The following OCIAD1 variants were observed in gnomAD, a reference collection of about 807,000 sequenced individuals.
The protein encoded by OCIAD1 is OCIA domain containing 1.
In OCIAD1, 29 loss-of-function variants were observed where a neutral mutation model predicts 38.9. That is an observed-to-expected ratio of 0.74 (90% CI 0.55 to 1.02). The LOEUF (loss-of-function observed/expected upper bound fraction) is 1.02. Among genes scored for constraint, OCIAD1 ranks in the 50% least tolerant of loss-of-function variants. OCIAD1 has a pLI of 0.00. For missense variants in OCIAD1, 288 were observed against 289.6 expected (o/e 0.99, Z 0.04); for synonymous variants, 110 against 92.0 (o/e 1.20, Z -1.12).
intron 1 of OCIAD1, among the ~76,000 whole-genome samples, chr4:48,831,937 CG>C (rs1777543408): frequency 6.6e-6 from 1 of 151,980 alleles, no homozygotes; most frequent in African/African-American, 2.4e-5. Flanking sequence ...CTGTAAAATA[CG>C]GTTACTTGAT....
intron 6 of OCIAD1, among the ~76,000 whole-genome samples, chr4:48,851,293 G>T (rs1394077943): frequency 1.3e-5 from 2 of 152,232 alleles, no homozygotes; most frequent in African/African-American, 4.8e-5. Context: ...TACTGACAGT[G>T]ACTGCTTTTA....
intron 8 of OCIAD1, 107 bp from the exon 9 acceptor site, chr4:48,860,615 TTTA>T (rs1368812110): frequency 4.5e-6 from 4 of 880,920 alleles, no homozygotes; most frequent in Non-Finnish European, 7.5e-6. Flanking sequence ...CTCATGTGCT[TTTA>T]TTCAAATGAG....
At chr4:48,830,869 C>G (rs1207412136), upstream of OCIAD1, 3 of 154,676 alleles carry the variant, frequency 1.9e-5, no homozygotes, top group Admixed American at 1.3e-4. Flanking sequence ...ACTCCCAACC[C>G]CCTTCCCCGC....
intron 3 of OCIAD1, among the ~76,000 whole-genome samples, chr4:48,842,377 G>A (rs1778613304): frequency 6.6e-6 from 1 of 152,110 alleles, no homozygotes; most frequent in Admixed American, 6.6e-5. Context: ...ATGAACAGCT[G>A]GCTATTTGGA....
rs548145641 is a variant in OCIAD1 at position 48,852,777 on chromosome 4, G to A, written c.547+802G>A. On this transcript the variant is annotated intron_variant, in intron 7 of 8. Transcript: ENST00000264312. ...TTAGTTTCTTTCCTTCAGTCTAGTC[G>A]GCAGTAAAAGATGAGGAATTAGAAA... Among the ~76,000 whole-genome samples the A allele has an allele frequency of 5.3e-5, 8 of 152,040 alleles. 1 individual carries two copies. The South Asian group carries it at 8.3e-4, about 16-fold the overall frequency.
chr4:48,848,319 A>C, intron 4 of OCIAD1, 80 bp from the exon 5 acceptor site: 2 of 710,688 alleles, frequency 2.8e-6, no homozygotes. Context: ...TAATGTTGTA[A>C]GATTATATTT....
intron 8 of OCIAD1, among the ~76,000 whole-genome samples, chr4:48,859,058 A>AG (rs1476237829): frequency 7.9e-5 from 12 of 152,198 alleles, no homozygotes; most frequent in Non-Finnish European, 1.5e-4. Flanking sequence ...ACCTTCTTGA[A>AG]GGTCATATGC....
intron 4 of OCIAD1, among the ~76,000 whole-genome samples, chr4:48,844,360 G>C (rs1456456276): frequency 2.6e-5 from 4 of 152,030 alleles, no homozygotes; most frequent in African/African-American, 9.7e-5. Context: ...TGAGGGTACG[G>C]TAGAAGTGAT....
intron 3 of OCIAD1, among the ~76,000 whole-genome samples, chr4:48,836,191 G>A (rs1401250262): frequency 1.3e-5 from 2 of 152,158 alleles, no homozygotes; most frequent in African/African-American, 4.8e-5. Context: ...GCATATATAT[G>A]TAGTCAACGA....
intron 1 of OCIAD1, among the ~76,000 whole-genome samples, chr4:48,813,912 A>G (rs1410128111): frequency 6.6e-6 from 1 of 152,208 alleles, no homozygotes; most frequent in Non-Finnish European, 1.5e-5. Context: ...TATGTTTTAA[A>G]CTTTCAGAGA....
intron 4 of OCIAD1, among the ~76,000 whole-genome samples, chr4:48,845,985 A>G (rs546957926): frequency 6.6e-6 from 1 of 152,336 alleles, no homozygotes; most frequent in African/African-American, 2.4e-5. Flanking sequence ...CTGACAGAGG[A>G]CATACATAGT....
chr4:48,809,597 C>T (rs1777065053), intron 1 of OCIAD1, among the ~76,000 whole-genome samples: 2 of 152,088 alleles, frequency 1.3e-5, no homozygotes, highest in Admixed American at 6.6e-5. Context: ...ATTTGAGGCC[C>T]TTCATGATAC....
intron 1 of OCIAD1, among the ~76,000 whole-genome samples, chr4:48,832,308 C>G (rs1777579344): frequency 6.6e-6 from 1 of 152,020 alleles, no homozygotes; most frequent in South Asian, 2.1e-4. Flanking sequence ...GAACCCACTT[C>G]CAGGAGGAAA....
At chr4:48,828,038 T>A (rs933030715), upstream of OCIAD1, among the ~76,000 whole-genome samples, 9 of 152,166 alleles carry the variant, frequency 5.9e-5, no homozygotes, top group Non-Finnish European at 1.3e-4. Flanking sequence ...GCACTCTTTG[T>A]CTACCTAAAG....
At chr4:48,843,519 T>C (rs1560427797) in intron 4 of OCIAD1, among the ~76,000 whole-genome samples, 1 of 152,218 alleles carries the variant, frequency 6.6e-6, no homozygotes, top group Non-Finnish European at 1.5e-5. Flanking sequence ...AATTAGTTGA[T>C]AAAAGTAGTT....
intron 1 of OCIAD1, among the ~76,000 whole-genome samples, chr4:48,818,818 G>A (rs966078685): frequency 6.6e-6 from 1 of 152,040 alleles, no homozygotes; most frequent in Non-Finnish European, 1.5e-5. Context: ...CGGAAGAAAG[G>A]ATATTGGATA....
intron 8 of OCIAD1, among the ~76,000 whole-genome samples, chr4:48,858,399 G>A (rs1434445032): frequency 6.6e-6 from 1 of 152,062 alleles, no homozygotes; most frequent in Admixed American, 6.6e-5. Flanking sequence ...GAATGATTGA[G>A]TAATGAGATT....
intron 3 of OCIAD1, among the ~76,000 whole-genome samples, chr4:48,836,323 G>T (rs1777985145): frequency 6.6e-6 from 1 of 152,168 alleles, no homozygotes; most frequent in African/African-American, 2.4e-5. Flanking sequence ...TGAAGGAATG[G>T]TAAGAGGGAG....
chr4:48,836,354 A>G (rs1192129990), intron 3 of OCIAD1, among the ~76,000 whole-genome samples: 1 of 152,236 alleles, frequency 6.6e-6, no homozygotes, highest in Non-Finnish European at 1.5e-5. Flanking sequence ...TAAGATAACC[A>G]GCTTAGGAGA....
Sources: allele counts gnomAD v4.1 joint callset (sites outside exome capture counted in the v4.1 genomes callset), GRCh38; gene constraint gnomAD v4.1.1; transcripts MANE v1.5; gene names NCBI Gene and HGNC (gene_info 2026-07-23, HGNC 2026-07-21).